CUX1: variants seen among roughly 807,000 people sequenced by gnomAD.
CUX1 encodes cut like homeobox 1.
In CUX1, 31 loss-of-function variants were observed where a neutral mutation model predicts 158.8. The observed-to-expected ratio is 0.20, with a 90% CI of 0.15 to 0.26. The LOEUF (loss-of-function observed/expected upper bound fraction) is 0.26. Among genes scored for constraint, CUX1 ranks in the 10% least tolerant of loss-of-function variants. The probability of loss-of-function intolerance (pLI) is 1.00; values close to 1 mark genes in which losing one functional copy is unlikely to be tolerated. For synonymous variants in CUX1, 879 were observed against 862.1 expected, an observed-to-expected ratio of 1.02 and a Z score of -0.34; for missense variants, 1,589 against 2,014.6, an observed-to-expected ratio of 0.79 and a Z score of 4.04.
At chr7:102,035,872 C>G (rs1184888882) in intron 3 of CUX1, among the ~76,000 whole-genome samples, 1 of 151,986 alleles carries the variant, frequency 6.6e-6, no homozygotes, top group African/African-American at 2.4e-5. Flanking sequence ...AAAATCCCAA[C>G]AAAATTTTTT....
At chr7:102,049,737 A>G (rs1823259081) in intron 3 of CUX1, among the ~76,000 whole-genome samples, 1 of 152,184 alleles carries the variant, frequency 6.6e-6, no homozygotes, top group Admixed American at 6.5e-5. Context: ...ATGGGTACAT[A>G]GGAAGGGAGA....
In CUX1 at chr7:102,227,677, C is replaced by A; in HGVS notation, c.3433+8C>A. The A allele has an allele frequency of 6.2e-7, 1 of 1,600,288 alleles. No individual in the cohort carries two copies. The highest frequency in any genetic ancestry group is 8.5e-7 in the Non-Finnish European group (1 of 1,171,074). ...TGACGGACAACAACCTCGGTAGGTT[C>A]TCCTCTCGGCTGCTGAGTCAGGAGG... is the stretch of plus-strand genomic sequence containing the variant. On this transcript the variant is annotated splice_region_variant and intron_variant, in intron 21 of 23. Transcript: ENST00000292535.
chr7:102,104,588 A>C, intron 6 of CUX1, 129 bp downstream of exon 6: 1 of 1,251,316 alleles, frequency 8.0e-7, no homozygotes, highest in Non-Finnish European at 1.1e-6. Flanking sequence ...TAAGGGGTAA[A>C]ATGTTTCAAA....
At chr7:102,028,559 C>G (rs191045604) in intron 3 of CUX1, among the ~76,000 whole-genome samples, 2 of 152,282 alleles carry the variant, frequency 1.3e-5, no homozygotes, top group African/African-American at 4.8e-5. Flanking sequence ...GGCGGGGGCA[C>G]AGGGAGGCCA....
At chr7:102,146,409 C>T (rs571050824) in intron 8 of CUX1, among the ~76,000 whole-genome samples, 5 of 152,214 alleles carry the variant, frequency 3.3e-5, no homozygotes, top group South Asian at 2.1e-4. Flanking sequence ...TGACCCCGCA[C>T]GTGCCGTAGA....
intron 18 of CUX1, among the ~76,000 whole-genome samples, chr7:102,203,232 A>G (rs1795630582): frequency 6.6e-6 from 1 of 152,038 alleles, no homozygotes; most frequent in African/African-American, 2.4e-5. Flanking sequence ...ACCCCCTACC[A>G]TTTTAGATTA....
In CUX1 at chr7:102,197,169, G is replaced by C. The variant is rs1794885675; in HGVS notation, c.1758G>C (p.Val586=). ...TGTTGGGACTGTCTCAAGGGTCCGTGAGCGAGATTCTGGCCCGGCCCAAGC... is the reference window on the plus strand; with the variant it reads ...TGTTGGGACTGTCTCAAGGGTCCGTCAGCGAGATTCTGGCCCGGCCCAAGC... ...HYVLGLSQGS[V]SEILARPKPW... Residue 586 remains valine (V), a synonymous_variant, in exon 15 of 24, where the codon GTG becomes GTC. Transcript: ENST00000292535. 1 of 1,614,110 alleles carries C rather than the reference G, an allele frequency of 6.2e-7. No individual in the cohort carries two copies.
chr7:102,205,059 G>A, intron 19 of CUX1, 55 bp from the exon 20 acceptor site: 1 of 1,267,422 alleles, frequency 7.9e-7, no homozygotes, highest in Non-Finnish European at 1.2e-6. Context: ...CAGTTAGGAA[G>A]CTTTAAGCCC....
chr7:102,147,977 A>T (rs139672000), intron 8 of CUX1, among the ~76,000 whole-genome samples: 4,805 of 152,252 alleles, frequency 0.032, 107 homozygotes, highest in Non-Finnish European at 0.045. Flanking sequence ...CTCCGTCTCA[A>T]AAATAAATAA....
In CUX1 at chr7:102,115,208, C is replaced by T. The variant is rs1554491396; in HGVS notation, c.609C>T (p.Ala203=). The change falls in exon 8 of 24, where the codon GCC becomes GCT. Residue 203 remains alanine, a splice_region_variant and synonymous_variant. Coordinates refer to ENST00000292535, the MANE Select transcript of CUX1 (RefSeq NM_181552.4). ...AEHKVQSLQT[A]LEKTRTELFD... ...AGTTAGTAATTCTTTGCCTTTCAGC[C>T]CTGGAAAAAACTCGAACAGAATTAT... The T allele has an allele frequency of 2.5e-6, 4 of 1,610,194 alleles. No individual in the cohort carries two copies. The highest frequency in any genetic ancestry group is 2.2e-5 in the East Asian group (1 of 44,780).
rs1554519840 is a variant in CUX1, at chr7:102,201,732, A to G, written c.2435A>G (p.Asn812Ser). Residue 812 changes from asparagine (N) to serine (S), a missense_variant, in exon 18 of 24, where the codon AAT becomes AGT. Transcript: ENST00000292535. This position sits in a 1 kb window ranked among gnomAD's most constrained non-coding sequence, Gnocchi z 5.0. ...CAQGVLRQVK[N>S]EVGRSGAWKD... ...CAAGGGGTCCTGAGACAGGTGAAAA[A>G]TGAGGTGGGCCGCAGCGGTGCCTGG... The G allele has an allele frequency of 6.2e-7, 1 of 1,612,616 alleles. No homozygotes were observed. Among genetic ancestry groups the G allele is most frequent in the Non-Finnish European group, 8.5e-7 (1 of 1,179,898 alleles).
At chr7:101,848,051 C>CAAAA (rs57428019) in intron 1 of CUX1, among the ~76,000 whole-genome samples, 755 of 65,194 alleles carry the variant, frequency 0.012, 2 homozygotes, top group African/African-American at 0.026. Context: ...GAGCAAGACT[C>CAAAA]AAAAAAAAAA....
In CUX1 at chr7:101,817,729, C is replaced by A; in HGVS notation, c.30+60C>A. 1 of 1,539,020 alleles carries A rather than the reference C, an allele frequency of 6.5e-7. No homozygotes were observed. The highest frequency in any genetic ancestry group is 1.2e-5 in the South Asian group (1 of 83,318). The stretch of plus-strand genomic sequence containing the variant: ...CAGGCGCGGAGGGAACCGGGGATGT[C>A]GGGGGGTGCCCGGGTCCCGCGGCTT... On this transcript the variant is annotated intron_variant, in intron 1 of 23. Coordinates refer to ENST00000292535, the MANE Select transcript of CUX1 (RefSeq NM_181552.4). This position sits in a 1 kb window ranked among gnomAD's most constrained non-coding sequence, Gnocchi z 4.1.
Position 102,061,635 on chromosome 7 carries a change from C to T in CUX1, c.190-8704C>T, listed in dbSNP as rs145202929. Reference sequence around the variant, plus strand: ...AAATCAAACCCTCATGTGCCAACAGCATGCCCAGGCCCTTGGCTGTGTGTG... The same window carrying T: ...AAATCAAACCCTCATGTGCCAACAGTATGCCCAGGCCCTTGGCTGTGTGTG... On this transcript the variant is annotated intron_variant, in intron 3 of 23. Transcript: ENST00000292535. Among the ~76,000 whole-genome samples, 69 of 152,376 alleles carry T rather than the reference C, an allele frequency of 4.5e-4. 1 individual carries two copies. Among genetic ancestry groups the T allele is most frequent in the African/African-American group, 1.4e-3 (59 of 41,598 alleles).
At chr7:102,283,144 C>T in exon 23 of CUX1, 2 of 1,400,124 alleles carry the variant, frequency 1.4e-6, no homozygotes, top group Admixed American at 1.7e-5. Flanking sequence ...CCCGACTGCT[C>T]AGTGCATCTA....
intron 4 of CUX1, among the ~76,000 whole-genome samples, chr7:102,075,293 C>T (rs564264442): frequency 1.1e-4 from 17 of 152,180 alleles, no homozygotes; most frequent in Non-Finnish European, 2.5e-4. Flanking sequence ...GCTTACAGGG[C>T]GGCCAGACTC....
rs543239676 is a variant in CUX1 at position 102,226,349 on chromosome 7, C to T, written c.3131-1018C>T. Among the ~76,000 whole-genome samples the T allele has an allele frequency of 2.4e-4, 36 of 152,300 alleles. 2 individuals are homozygous for T. In the South Asian group the frequency reaches 7.5e-3, roughly 32 times the overall value. On this transcript the variant is annotated intron_variant, in intron 20 of 23. Transcript: ENST00000292535. ...GAGGTAGAACTCTAAAATGGAAGAG[C>T]TGGGGAAACAGGGTGCTCCTCCTCT... is the stretch of plus-strand genomic sequence containing the variant.
intron 12 of CUX1, 38 bp from the exon 13 acceptor site, chr7:102,193,801 CAAA>C (rs782197835): frequency 5.0e-6 from 8 of 1,601,460 alleles, no homozygotes; most frequent in Non-Finnish European, 6.8e-6. Context: ...GACTCTGTCT[CAAA>C]AAATAAATAA....
intron 2 of CUX1, chr7:101,961,160 C>T (rs1449054798): frequency 1.3e-5 from 2 of 152,170 alleles, no homozygotes; most frequent in Non-Finnish European, 2.9e-5. Context: ...AGGAGAGTAG[C>T]ATTCACCTGG....
Sources: gnomAD v4.1 joint callset for allele counts (sites outside exome capture counted in the v4.1 genomes callset) on GRCh38, gnomAD v4.1.1 for gene constraint, Gnocchi (gnomAD v3.1) non-coding constraint, MANE v1.5 for transcripts, NCBI Gene and HGNC (gene_info 2026-07-23, HGNC 2026-07-21) for gene names.